ETS1: variants seen among roughly 807,000 people sequenced by gnomAD.
ETS1 encodes protein C-ets-1.
In ETS1, 15 loss-of-function variants were observed where a neutral mutation model predicts 58.6. The ratio of observed to expected loss-of-function variants is 0.26; its 90% CI spans 0.17 to 0.39. The LOEUF is 0.39. Among genes scored for constraint, ETS1 ranks in the 10% least tolerant of loss-of-function variants. ETS1 has a pLI of 1.00. For synonymous variants in ETS1, 214 were observed against 218.2 expected, an observed-to-expected ratio of 0.98 and a Z score of 0.17; for missense variants, 417 against 610.5, an observed-to-expected ratio of 0.68 and a Z score of 3.34.
In ETS1 at chr11:128,462,507, G is replaced by A. The variant is rs1861930142; in HGVS notation, c.1312C>T (p.Arg438Cys). ...MNYEKLSRGLRYYYDKNIIHK... is the reference protein window; with the variant it reads ...MNYEKLSRGLCYYYDKNIIHK... ...ATGATGTTTTTGTCGTAATAGTAGC[G>A]TAGGCCACGGCTCAGTTTCTCATAA... The change falls in exon 10 of 10, where the codon CGC becomes TGC. Residue 438 changes from arginine (R) to cysteine (C), a missense_variant. By Grantham distance (180) the Arg-to-Cys change is radical. Transcript: ENST00000392668. 1 of 1,614,160 alleles carries A rather than the reference G, an allele frequency of 6.2e-7. No homozygotes were observed. Among genetic ancestry groups the A allele is most frequent in the Non-Finnish European group, 8.5e-7 (1 of 1,179,996 alleles).
chr11:128,503,525 T>G (rs916943946), intron 3 of ETS1, among the ~76,000 whole-genome samples: 1 of 152,170 alleles, frequency 6.6e-6, no homozygotes, highest in Non-Finnish European at 1.5e-5. Flanking sequence ...CTAGTACATC[T>G]TTCATGCTAT....
At chr11:128,515,252 TCACA>T (rs34618232) in intron 3 of ETS1, among the ~76,000 whole-genome samples, 249 of 150,592 alleles carry the variant, frequency 1.7e-3, no homozygotes, top group Non-Finnish European at 8.1e-4. Context: ...TATCTCTCTG[TCACA>T]CACACACACA....
At chr11:128,506,477 G>A (rs975440107) in intron 3 of ETS1, among the ~76,000 whole-genome samples, 2 of 152,132 alleles carry the variant, frequency 1.3e-5, no homozygotes, top group Non-Finnish European at 2.9e-5. Flanking sequence ...CTGGGATCAC[G>A]GCTGAAGCGG....
intron 2 of ETS1, among the ~76,000 whole-genome samples, chr11:128,563,744 C>G (rs1004882843): frequency 1.3e-5 from 2 of 152,198 alleles, no homozygotes; most frequent in African/African-American, 2.4e-5. Context: ...TCTTCATTCT[C>G]TCCCGAAGCC....
At chr11:128,473,831 G>T (rs548705366) in intron 8 of ETS1, among the ~76,000 whole-genome samples, 5 of 152,064 alleles carry the variant, frequency 3.3e-5, no homozygotes, top group Non-Finnish European at 7.4e-5. Context: ...GGGGGCAAAG[G>T]CAGGGTCATC....
At chr11:128,486,923 C>T (rs1862649222) in intron 5 of ETS1, among the ~76,000 whole-genome samples, 1 of 152,242 alleles carries the variant, frequency 6.6e-6, no homozygotes, top group South Asian at 2.1e-4. Context: ...GATTATATTT[C>T]ACCATAAGAA....
chr11:128,486,457 C>T (rs891518634), intron 5 of ETS1, among the ~76,000 whole-genome samples: 4 of 152,176 alleles, frequency 2.6e-5, no homozygotes, highest in African/African-American at 9.7e-5. Context: ...ATTCGTGCTG[C>T]GTGTATGTCG....
chr11:128,513,287 TA>T (rs1276571129), intron 3 of ETS1, among the ~76,000 whole-genome samples: 1 of 152,220 alleles, frequency 6.6e-6, no homozygotes, highest in African/African-American at 2.4e-5. Context: ...AAATGTTACC[TA>T]AAGTCATAAG....
At chr11:128,568,767 C>T (rs1221759934) in intron 2 of ETS1, among the ~76,000 whole-genome samples, 1 of 152,068 alleles carries the variant, frequency 6.6e-6, no homozygotes, top group Non-Finnish European at 1.5e-5. Flanking sequence ...CAGCAAATGA[C>T]CAGATAACGT....
intron 4 of ETS1, among the ~76,000 whole-genome samples, chr11:128,489,961 C>G (rs1862751224): frequency 6.6e-6 from 1 of 152,142 alleles, no homozygotes. Context: ...ACAATTGTAG[C>G]AATTAGTAGT....
intron 1 of ETS1, among the ~76,000 whole-genome samples, chr11:128,576,811 C>A (rs966632080): frequency 2.0e-5 from 3 of 152,006 alleles, no homozygotes; most frequent in Non-Finnish European, 2.9e-5. Flanking sequence ...TCTCATGTTA[C>A]CCCCTCTGCT....
chr11:128,523,808 A>C (rs1863748113), intron 3 of ETS1, among the ~76,000 whole-genome samples: 2 of 152,236 alleles, frequency 1.3e-5, no homozygotes, highest in Admixed American at 1.3e-4. Flanking sequence ...ACAAGGTATG[A>C]GAAAACAATG....
intron 3 of ETS1, among the ~76,000 whole-genome samples, chr11:128,521,302 T>C (rs1863661203): frequency 6.6e-6 from 1 of 152,156 alleles, no homozygotes; most frequent in Non-Finnish European, 1.5e-5. Flanking sequence ...ATTAGAAACA[T>C]GGGTAAAGTA....
At chr11:128,512,207 G>A (rs1312859830) in intron 3 of ETS1, among the ~76,000 whole-genome samples, 2 of 152,148 alleles carry the variant, frequency 1.3e-5, no homozygotes, top group Non-Finnish European at 2.9e-5. Flanking sequence ...CTATGAAATG[G>A]CAATAATAAT....
intron 2 of ETS1, among the ~76,000 whole-genome samples, chr11:128,565,999 G>A (rs1233602163): frequency 6.6e-6 from 1 of 152,192 alleles, no homozygotes; most frequent in Non-Finnish European, 1.5e-5. Flanking sequence ...GGGTAAGAAG[G>A]GAACTGCATC....
chr11:128,485,335 T>C (rs10790957), intron 6 of ETS1, among the ~76,000 whole-genome samples: 53,249 of 152,044 alleles, frequency 0.35, 9,771 homozygotes, highest in Middle Eastern at 0.56. Flanking sequence ...GTGATGAAGA[T>C]GAAATGAGGA....
chr11:128,489,416 C>T lies in ETS1; in HGVS notation c.409G>A (p.Val137Ile). 6.2e-7 allele frequency: 1 copy of T among 1,614,166 alleles called. No individual in the cohort carries two copies. The highest frequency in any genetic ancestry group is 8.5e-7 in the Non-Finnish European group (1 of 1,180,020). Reference protein sequence around the residue: ...WAVNEFSLKGVDFQKFCMNGA... With the variant: ...WAVNEFSLKGIDFQKFCMNGA... The stretch of plus-strand genomic sequence containing the variant: ...TTCATACAGAACTTCTGGAAGTCTA[C>T]ACCTTTCAGGCTGAATTCATTCACA... Residue 137 changes from valine to isoleucine, a missense_variant, in exon 5 of 10, where the codon GTA becomes ATA. Physicochemically the swap from Val to Ile is conservative, Grantham distance 29. This residue lies in a region of ETS1 where 132 missense variants were observed against 212.1 expected (regional missense o/e 0.62). Transcript: ENST00000392668.
At chr11:128,522,420 T>G (rs544908436) in intron 3 of ETS1, 7 of 895,958 alleles carry the variant, frequency 7.8e-6, no homozygotes, top group Middle Eastern at 5.6e-4. Context: ...GGCCGGGCGA[T>G]GTCCGCTTGG....
At chr11:128,506,637 T>C (rs1056389404) in intron 3 of ETS1, among the ~76,000 whole-genome samples, 4 of 151,892 alleles carry the variant, frequency 2.6e-5, no homozygotes, top group African/African-American at 9.7e-5. Flanking sequence ...TGGCAGTTGG[T>C]GGCATTACTG....
Sources: gnomAD v4.1 joint callset for allele counts (sites outside exome capture counted in the v4.1 genomes callset) on GRCh38, gnomAD v4.1.1 for gene constraint, gnomAD v4.1.1 regional missense constraint, MANE v1.5 for transcripts, NCBI Gene and HGNC (gene_info 2026-07-23, HGNC 2026-07-21) for gene names.